CACNA2D1: variants seen among roughly 807,000 people sequenced by gnomAD.
CACNA2D1 encodes voltage-dependent calcium channel subunit alpha-2/delta-1.
Under a neutral mutation model 171.5 loss-of-function variants are expected in CACNA2D1, and 53 were observed. The ratio of observed to expected loss-of-function variants is 0.31; its 90% CI spans 0.25 to 0.39. The LOEUF is 0.39. Among genes scored for constraint, CACNA2D1 ranks in the 10% least tolerant of loss-of-function variants. The pLI is 1.00. For synonymous variants in CACNA2D1, 442 were observed against 443.1 expected (o/e 1.00, Z 0.03); for missense variants, 903 against 1,299.8 (o/e 0.69, Z 4.69).
At chr7:82,011,364 T>C (rs1030670756) in intron 15 of CACNA2D1, among the ~76,000 whole-genome samples, 1 of 152,168 alleles carries the variant, frequency 6.6e-6, no homozygotes, top group Non-Finnish European at 1.5e-5. Context: ...GGACCACAGG[T>C]TGGACAAGCT....
At chr7:81,962,951 T>C (rs1207954902) in intron 34 of CACNA2D1, among the ~76,000 whole-genome samples, 1 of 152,066 alleles carries the variant, frequency 6.6e-6, no homozygotes, top group Non-Finnish European at 1.5e-5. Flanking sequence ...TAGAATATAT[T>C]TGTAAATATG....
chr7:82,157,631 C>T (rs1479764795), intron 4 of CACNA2D1, among the ~76,000 whole-genome samples: 1 of 151,984 alleles, frequency 6.6e-6, no homozygotes, highest in African/African-American at 2.4e-5. Flanking sequence ...TCCATTCCCT[C>T]CTAGCCAAAG....
chr7:82,409,952 G>A (rs1322960969), intron 1 of CACNA2D1, among the ~76,000 whole-genome samples: 7 of 152,118 alleles, frequency 4.6e-5, no homozygotes, highest in Admixed American at 4.6e-4. Flanking sequence ...ACTGAATACT[G>A]TAGGCAACTG....
chr7:82,367,802 C>A (rs977396734), intron 1 of CACNA2D1, among the ~76,000 whole-genome samples: 3 of 152,054 alleles, frequency 2.0e-5, no homozygotes, highest in Non-Finnish European at 2.9e-5. Flanking sequence ...CCAATAATTT[C>A]TCTTTTTTTC....
At chr7:82,077,502 T>C (rs1285525864) in intron 7 of CACNA2D1, among the ~76,000 whole-genome samples, 1 of 151,904 alleles carries the variant, frequency 6.6e-6, no homozygotes, top group Non-Finnish European at 1.5e-5. Flanking sequence ...GACCCCTTAT[T>C]TGTGTAGTTT....
chr7:81,980,057 G>A (rs747677546), intron 24 of CACNA2D1, among the ~76,000 whole-genome samples: 1 of 148,922 alleles, frequency 6.7e-6, no homozygotes, highest in Non-Finnish European at 1.5e-5. Flanking sequence ...TCCCCACATT[G>A]AGGAATTTTT....
chr7:82,131,583 C>A lies in CACNA2D1; in HGVS notation c.396+5052G>T, dbSNP rs181990388. On this transcript the variant is annotated intron_variant, in intron 5 of 38. Transcript: ENST00000356860. ...GGATATTAATCCCCATTGAAACATA[C>A]TGAGGACTAAATTTATTAATAATGT... Among the ~76,000 whole-genome samples, 233 of 152,254 alleles carry A rather than the reference C, an allele frequency of 1.5e-3. 3 individuals are homozygous for A. Among genetic ancestry groups the A allele is most frequent in the East Asian group, 0.015 (76 of 5,182 alleles).
intron 10 of CACNA2D1, among the ~76,000 whole-genome samples, chr7:82,049,362 C>A (rs947530146): frequency 6.6e-6 from 1 of 151,756 alleles, no homozygotes; most frequent in Admixed American, 6.6e-5. Context: ...GTTTTAAGAC[C>A]TCCTCCCATC....
rs923630610 is a variant in CACNA2D1, at chr7:82,033,037, T to A, written c.1039-136A>T. On this transcript the variant is annotated intron_variant, in intron 11 of 38. Transcript: ENST00000356860. The stretch of plus-strand genomic sequence containing the variant: ...TGCTCACAAAATATATTCTAAGAAC[T>A]GGTTCCTGGATCAGTTCAGGCCCAC... The A allele has an allele frequency of 4.7e-6, 3 of 633,462 alleles. No homozygotes were observed. The African/African-American group carries it at 5.4e-5, about 11-fold the overall frequency. The allele number at this position is 633,462 out of a possible 1,614,324, so 39.2% of individuals were successfully genotyped here. A position where few individuals can be genotyped will look rare whatever the true frequency, so the allele number is the denominator to read the frequency against.
chr7:82,025,480 T>C (rs1003116914), intron 12 of CACNA2D1, among the ~76,000 whole-genome samples: 17 of 151,746 alleles, frequency 1.1e-4, no homozygotes, highest in Non-Finnish European at 8.9e-5. Context: ...GAAACACAAC[T>C]GATTTTTCAA....
At chr7:81,982,486 A>G (rs1017791620) in intron 24 of CACNA2D1, 81 bp downstream of exon 24, 1 of 798,846 alleles carries the variant, frequency 1.3e-6, no homozygotes, top group East Asian at 2.4e-5. Context: ...ACTAACCCAG[A>G]GCAGTCTTGA....
At chr7:82,153,208 C>T (rs986727270) in intron 4 of CACNA2D1, among the ~76,000 whole-genome samples, 1 of 151,634 alleles carries the variant, frequency 6.6e-6, no homozygotes, top group African/African-American at 2.4e-5. Context: ...AACTGTTTTC[C>T]TTTTTGAAGT....
At chr7:82,198,938 G>A (rs748743353) in intron 3 of CACNA2D1, among the ~76,000 whole-genome samples, 70 of 151,984 alleles carry the variant, frequency 4.6e-4, no homozygotes, top group Middle Eastern at 3.4e-3. Context: ...CTCCATATTG[G>A]GGTTATAATT....
At chr7:82,066,016 G>GA (rs1306066092) in intron 8 of CACNA2D1, among the ~76,000 whole-genome samples, 2 of 151,868 alleles carry the variant, frequency 1.3e-5, no homozygotes, top group African/African-American at 2.4e-5. Flanking sequence ...CTTCATTTTG[G>GA]AAAAAAAATT....
chr7:82,161,250 G>C (rs1794919855), intron 4 of CACNA2D1, among the ~76,000 whole-genome samples: 3 of 151,986 alleles, frequency 2.0e-5, no homozygotes, highest in East Asian at 1.9e-4. Flanking sequence ...CTTCAGGAAA[G>C]AAAGACATGA....
chr7:82,364,615 G>T (rs1240262558), intron 1 of CACNA2D1, among the ~76,000 whole-genome samples: 1 of 152,040 alleles, frequency 6.6e-6, no homozygotes, highest in Non-Finnish European at 1.5e-5. Context: ...TTAATGCCAG[G>T]GCTCGAATTA....
At chr7:82,234,942 G>C (rs895760073) in intron 3 of CACNA2D1, among the ~76,000 whole-genome samples, 4 of 152,206 alleles carry the variant, frequency 2.6e-5, no homozygotes, top group African/African-American at 9.6e-5. Context: ...TCGTTTGTGA[G>C]AATTATTAAT....
intron 3 of CACNA2D1, among the ~76,000 whole-genome samples, chr7:82,173,049 G>A (rs1320519656): frequency 1.3e-5 from 2 of 151,984 alleles, no homozygotes; most frequent in East Asian, 1.9e-4. Context: ...GGTACCAGCT[G>A]TTAACTCTAC....
intron 12 of CACNA2D1, among the ~76,000 whole-genome samples, chr7:82,017,466 T>C (rs1584424798): frequency 6.6e-6 from 1 of 152,176 alleles, no homozygotes; most frequent in African/African-American, 2.4e-5. Flanking sequence ...AGAACTTTTG[T>C]GTACACAACT....
Sources: allele counts gnomAD v4.1 joint callset (sites outside exome capture counted in the v4.1 genomes callset), GRCh38; gene constraint gnomAD v4.1.1; transcripts MANE v1.5; gene names NCBI Gene and HGNC (gene_info 2026-07-23, HGNC 2026-07-21).